Variants in CHST11 observed in about 807,000 individuals in gnomAD.
The protein encoded by CHST11 is C4S-1.
In CHST11, 9 loss-of-function variants were observed where a neutral mutation model predicts 30.4. The observed-to-expected ratio is 0.30, with a 90% CI of 0.18 to 0.52. CHST11 has a LOEUF of 0.52. Ranked by LOEUF, CHST11 falls within the 20% of genes least tolerant of loss-of-function variation. CHST11 has a pLI of 0.97. For missense variants in CHST11, 348 were observed against 460.6 expected, an observed-to-expected ratio of 0.76 and a Z score of 2.24; for synonymous variants, 152 against 187.8, an observed-to-expected ratio of 0.81 and a Z score of 1.56.
chr12:104,716,305 A>C (rs963302954), intron 2 of CHST11, among the ~76,000 whole-genome samples: 2 of 152,146 alleles, frequency 1.3e-5, no homozygotes, highest in African/African-American at 4.8e-5. Context: ...TAGTATAGTG[A>C]TGGAAGCACT....
At chr12:104,624,047 C>T (rs2039187598) in intron 2 of CHST11, among the ~76,000 whole-genome samples, 1 of 152,062 alleles carries the variant, frequency 6.6e-6, no homozygotes, top group Admixed American at 6.6e-5. Flanking sequence ...AAGCCTGCAG[C>T]CTTGATGGAG....
chr12:104,492,029 G>A (rs545140494), intron 1 of CHST11, among the ~76,000 whole-genome samples: 17 of 152,278 alleles, frequency 1.1e-4, no homozygotes, highest in Admixed American at 6.5e-4. Context: ...GTCTTAGCTC[G>A]TATACCTCCT....
intron 1 of CHST11, among the ~76,000 whole-genome samples, chr12:104,519,276 T>G (rs1174912280): frequency 6.6e-6 from 1 of 152,198 alleles, no homozygotes; most frequent in Non-Finnish European, 1.5e-5. Flanking sequence ...CAGACTTCCT[T>G]TAAGGAATTT....
intron 2 of CHST11, among the ~76,000 whole-genome samples, chr12:104,706,201 T>C (rs906485805): frequency 6.6e-6 from 1 of 151,524 alleles, no homozygotes; most frequent in Non-Finnish European, 1.5e-5. Context: ...CTGGCCAACA[T>C]GGTGAAACCC....
intron 2 of CHST11, among the ~76,000 whole-genome samples, chr12:104,730,896 G>T (rs759518032): frequency 6.6e-6 from 1 of 152,180 alleles, no homozygotes; most frequent in Non-Finnish European, 1.5e-5. Flanking sequence ...AGAAAAGTCT[G>T]TTCCCCACAG....
intron 2 of CHST11, among the ~76,000 whole-genome samples, chr12:104,704,845 C>T (rs1192437658): frequency 1.3e-5 from 2 of 151,958 alleles, no homozygotes; most frequent in East Asian, 1.9e-4. Context: ...TGTCACATCC[C>T]GCATCATCCG....
intron 2 of CHST11, among the ~76,000 whole-genome samples, chr12:104,630,001 C>G (rs1177358330): frequency 1.3e-5 from 2 of 152,160 alleles, no homozygotes; most frequent in Non-Finnish European, 2.9e-5. Flanking sequence ...AGATTTAAAG[C>G]CAACCCATTG....
In CHST11 at chr12:104,479,767, C is replaced by G. The variant is rs926492995; in HGVS notation, c.118+22238C>G. Among the ~76,000 whole-genome samples the G allele has an allele frequency of 4.3e-4, 66 of 152,176 alleles. 2 individuals carry two copies. Among genetic ancestry groups the G allele is most frequent in the Admixed American group, 4.3e-3 (65 of 15,272 alleles). On this transcript the variant is annotated intron_variant, in intron 1 of 2. Coordinates refer to ENST00000303694, the MANE Select transcript of CHST11 (RefSeq NM_018413.6). ...CATGAACTTTTGATTCTGTTTACCT[C>G]CTGTTGCTAGAAGACAAATGTGTTC...
Position 104,509,881 on chromosome 12 carries a change from C to G in CHST11, c.118+52352C>G, listed in dbSNP as rs909603929. Among the ~76,000 whole-genome samples the G allele has an allele frequency of 2.0e-5, 3 of 152,218 alleles. No homozygotes were observed. The South Asian group carries it at 6.2e-4, about 31-fold the overall frequency. ...AATGAACACAAGAAAAACTTAATTTCCCACTGATGTGAATAGCTTAGAGTA... is the reference window on the plus strand; with the variant it reads ...AATGAACACAAGAAAAACTTAATTTGCCACTGATGTGAATAGCTTAGAGTA... On this transcript the variant is annotated intron_variant, in intron 1 of 2. Coordinates refer to ENST00000303694, the MANE Select transcript of CHST11 (RefSeq NM_018413.6).
chr12:104,562,698 A>G (rs903301544), intron 1 of CHST11, among the ~76,000 whole-genome samples: 4 of 152,208 alleles, frequency 2.6e-5, no homozygotes, highest in Non-Finnish European at 4.4e-5. Flanking sequence ...TCCAATCCTT[A>G]TCTCACAGAG....
intron 1 of CHST11, 126 bp downstream of exon 1, chr12:104,457,655 T>A: frequency 1.3e-6 from 1 of 743,690 alleles, no homozygotes; most frequent in Non-Finnish European, 2.4e-6. Flanking sequence ...GGCTCCTGGC[T>A]GCCCAGAGCT....
At chr12:104,598,802 T>A (rs926804834) in intron 1 of CHST11, among the ~76,000 whole-genome samples, 1 of 150,914 alleles carries the variant, frequency 6.6e-6, no homozygotes, top group Non-Finnish European at 1.5e-5. Flanking sequence ...TGGGGAGAGA[T>A]AAAGTGCTGG....
intron 2 of CHST11, among the ~76,000 whole-genome samples, chr12:104,660,359 C>T (rs1204847429): frequency 6.6e-6 from 1 of 152,216 alleles, no homozygotes; most frequent in African/African-American, 2.4e-5. Flanking sequence ...TTGCCATTGC[C>T]CACGGGCTTG....
intron 1 of CHST11, among the ~76,000 whole-genome samples, chr12:104,472,116 T>G (rs2135954898): frequency 6.7e-6 from 1 of 149,166 alleles, no homozygotes; most frequent in Admixed American, 6.6e-5. Context: ...ACCATCACAC[T>G]TAGCTAATTT....
At chr12:104,533,033 C>G (rs533198560) in intron 1 of CHST11, among the ~76,000 whole-genome samples, 23 of 152,324 alleles carry the variant, frequency 1.5e-4, no homozygotes, top group African/African-American at 5.3e-4. Context: ...GCCTCAGCCT[C>G]CTGAGTAGCT....
rs115256443 is a variant in CHST11 at position 104,623,348 on chromosome 12, G to A, written c.204+21357G>A. On this transcript the variant is annotated intron_variant, in intron 2 of 2. Transcript: ENST00000303694. ...AGCTGTTTGTAAACTGTAAAGTACC[G>A]TGCCTGATTTGGTTATTAGTGTTTT... Among the ~76,000 whole-genome samples, 1,368 of 152,294 alleles carry A rather than the reference G, an allele frequency of 9.0e-3. 18 individuals are homozygous for A. Among genetic ancestry groups the A allele is most frequent in the African/African-American group, 0.03 (1,259 of 41,558 alleles).
intron 2 of CHST11, among the ~76,000 whole-genome samples, chr12:104,721,016 G>A (rs538886893): frequency 3.9e-5 from 6 of 152,192 alleles, no homozygotes; most frequent in Admixed American, 1.3e-4. Flanking sequence ...CCTCGGCTAA[G>A]CTGGCTTCCT....
chr12:104,711,850 G>A (rs1311544101), intron 2 of CHST11, among the ~76,000 whole-genome samples: 4 of 152,330 alleles, frequency 2.6e-5, no homozygotes, highest in African/African-American at 9.6e-5. Flanking sequence ...ATTCCAACAA[G>A]GAGAAATAGG....
intron 1 of CHST11, among the ~76,000 whole-genome samples, chr12:104,466,855 T>C (rs1041479764): frequency 5.3e-5 from 8 of 152,240 alleles, no homozygotes; most frequent in African/African-American, 1.9e-4. Flanking sequence ...TGTCGTTATC[T>C]GTTGGATAAT....
Sources: allele counts gnomAD v4.1 joint callset (sites outside exome capture counted in the v4.1 genomes callset), GRCh38; gene constraint gnomAD v4.1.1; transcripts MANE v1.5; gene names NCBI Gene and HGNC (gene_info 2026-07-23, HGNC 2026-07-21).